LOXL1: variants seen among roughly 807,000 people sequenced by gnomAD.
LOXL1 encodes lysyl oxidase homolog 1.
Under a neutral mutation model 62.2 loss-of-function variants are expected in LOXL1, and 31 were observed. The observed-to-expected ratio is 0.50, with a 90% CI of 0.37 to 0.67. The LOEUF (loss-of-function observed/expected upper bound fraction) is 0.67. LOXL1 is among the 30% of genes least tolerant of loss of function. LOXL1 has a pLI of 0.00. For synonymous variants in LOXL1, 403 were observed against 384.4 expected (o/e 1.05, Z -0.56); for missense variants, 775 against 843.4 (o/e 0.92, Z 1.00).
In LOXL1 at chr15:73,926,702, C is replaced by T; in HGVS notation, c.-82C>T. 1 of 1,349,654 alleles carries T rather than the reference C, an allele frequency of 7.4e-7. No homozygotes were observed. Among genetic ancestry groups the T allele is most frequent in the Non-Finnish European group, 9.6e-7 (1 of 1,045,442 alleles). The allele number at this position is 1,349,654 out of a possible 1,614,324, so 83.6% of individuals were successfully genotyped here. ...GGCAAGCAAGGAGCCTTCCTGTCCTCGAGGCCGTGGGAAGAGAAGCACGCC... is the reference window on the plus strand; with the variant it reads ...GGCAAGCAAGGAGCCTTCCTGTCCTTGAGGCCGTGGGAAGAGAAGCACGCC... On this transcript the variant is annotated 5_prime_UTR_variant, in exon 1 of 7. It introduces an in-frame stop codon into an upstream open reading frame of the 5' UTR. Transcript: ENST00000261921.
intron 1 of LOXL1, among the ~76,000 whole-genome samples, chr15:73,936,176 A>C (rs1454006127): frequency 6.6e-6 from 1 of 151,922 alleles, no homozygotes; most frequent in East Asian, 1.9e-4. Context: ...GGCAATGGGG[A>C]GCCATTGAAG....
At chr15:73,935,943 G>GTGTGTGTGTA in intron 1 of LOXL1, among the ~76,000 whole-genome samples, 1 of 149,016 alleles carries the variant, frequency 6.7e-6, no homozygotes, top group Non-Finnish European at 1.5e-5. Flanking sequence ...TGGTGTGTGT[G>GTGTGTGTGTA]TGTGTGTGTG....
At chr15:73,938,277 A>ATCTATCTATCT (rs1555433297) in intron 1 of LOXL1, among the ~76,000 whole-genome samples, 2 of 148,012 alleles carry the variant, frequency 1.4e-5, no homozygotes, top group Non-Finnish European at 3.0e-5. Context: ...TAGACTCCGT[A>ATCTATCTATCT]TCTATCTATC....
intron 1 of LOXL1, among the ~76,000 whole-genome samples, chr15:73,928,971 G>T (rs1555432805): frequency 6.6e-6 from 1 of 152,082 alleles, no homozygotes; most frequent in Non-Finnish European, 1.5e-5. Context: ...GGCTTTTCAG[G>T]GGGTGAACAT....
At chr15:73,938,311 CTATCTAGG>C (rs1474454724) in intron 1 of LOXL1, among the ~76,000 whole-genome samples, 5 of 151,354 alleles carry the variant, frequency 3.3e-5, no homozygotes, top group African/African-American at 4.9e-5. Flanking sequence ...ATCTATCTAT[CTATCTAGG>C]TAGATAGATA....
At chr15:73,935,588 G>A (rs2068665107) in intron 1 of LOXL1, among the ~76,000 whole-genome samples, 1 of 152,208 alleles carries the variant, frequency 6.6e-6, no homozygotes, top group African/African-American at 2.4e-5. Context: ...CTGCAAGGGC[G>A]GGGAGGGCTC....
intron 1 of LOXL1, among the ~76,000 whole-genome samples, chr15:73,932,394 A>T (rs1005614458): frequency 1.3e-5 from 2 of 150,832 alleles, no homozygotes; most frequent in Non-Finnish European, 3.0e-5. Context: ...CCATGCATTT[A>T]AAAAAAAAAT....
At chr15:73,944,855 G>A (rs541784571) in intron 2 of LOXL1, among the ~76,000 whole-genome samples, 2 of 152,288 alleles carry the variant, frequency 1.3e-5, no homozygotes, top group East Asian at 3.9e-4. Flanking sequence ...CAAGGCTGAG[G>A]GCCTTTCATC....
chr15:73,937,262 T>C (rs893820), intron 1 of LOXL1, among the ~76,000 whole-genome samples: 60,069 of 152,096 alleles, frequency 0.39, 12,441 homozygotes, highest in East Asian at 0.79. Context: ...CCTACTGTGC[T>C]CCTGCACACT....
In LOXL1 at chr15:73,930,545, G is replaced by A. The variant is rs1236995597; in HGVS notation, c.1102+2660G>A. ...TCAGACCCCCAGGCCTGGTGTGGGAGCCCAAGGCGGATTCTCCGAGACTGA... is the reference window on the plus strand; with the variant it reads ...TCAGACCCCCAGGCCTGGTGTGGGAACCCAAGGCGGATTCTCCGAGACTGA... On this transcript the variant is annotated intron_variant, in intron 1 of 6. Coordinates refer to ENST00000261921, the MANE Select transcript of LOXL1 (RefSeq NM_005576.4). This position sits in a 1 kb window ranked among gnomAD's most constrained non-coding sequence, Gnocchi z 4.7. Among the ~76,000 whole-genome samples the A allele has an allele frequency of 1.3e-5, 2 of 152,200 alleles. No individual in the cohort carries two copies. Among genetic ancestry groups the A allele is most frequent in the Admixed American group, 6.5e-5 (1 of 15,288 alleles).
chr15:73,932,876 C>A (rs911270751), intron 1 of LOXL1, among the ~76,000 whole-genome samples: 2 of 152,160 alleles, frequency 1.3e-5, no homozygotes, highest in African/African-American at 4.8e-5. Context: ...AAAGCTGTGT[C>A]GGATCAGACA....
At chr15:73,950,213 G>A (rs1045257119) in intron 6 of LOXL1, among the ~76,000 whole-genome samples, 1 of 151,260 alleles carries the variant, frequency 6.6e-6, no homozygotes, top group Non-Finnish European at 1.5e-5. Flanking sequence ...CCCATGTGAA[G>A]TAGTTTGCAG....
chr15:73,949,573 C>T lies in LOXL1; in HGVS notation c.1717C>T (p.Gln573Ter). The T allele has an allele frequency of 1.9e-6, 3 of 1,608,798 alleles. No individual in the cohort carries two copies. The South Asian group carries it at 3.3e-5, about 18-fold the overall frequency. ...TTCTGCAACAAACTGCAAAATTGTC[C>T]AGTAAGAGTTTGCCCACCACCCTTC... ...YVSATNCKIV[Q>*]S The change falls in exon 6 of 7, where the codon CAA becomes TAA. Residue 573 changes from glutamine to a stop codon, truncating the protein, a stop_gained and splice_region_variant. Transcript: ENST00000261921. LOFTEE classifies it high-confidence loss of function.
At chr15:73,929,750 G>C (rs372741341) in intron 1 of LOXL1, among the ~76,000 whole-genome samples, 9 of 152,326 alleles carry the variant, frequency 5.9e-5, no homozygotes, top group African/African-American at 2.2e-4. Context: ...TACCTAGAGG[G>C]TGCTAAACTT....
In LOXL1 at chr15:73,930,670, T is replaced by C. The variant is rs61368909; in HGVS notation, c.1102+2785T>C. 7.6e-4 allele frequency among the ~76,000 whole-genome samples: 116 copies of C among 152,212 alleles called. 2 individuals carry two copies. The East Asian group carries it at 0.02, about 26-fold the overall frequency. Reference sequence around the variant, plus strand: ...ACGTGTCCTCACAACACCAAGCACATGTGAGCACCACCCACCTCCCTCCAT... The same window carrying C: ...ACGTGTCCTCACAACACCAAGCACACGTGAGCACCACCCACCTCCCTCCAT... On this transcript the variant is annotated intron_variant, in intron 1 of 6. Coordinates refer to ENST00000261921, the MANE Select transcript of LOXL1 (RefSeq NM_005576.4). The surrounding 1 kb of genome is among the most constrained non-coding windows in gnomAD (Gnocchi z 4.7).
At chr15:73,934,918 G>A (rs959368818) in intron 1 of LOXL1, among the ~76,000 whole-genome samples, 6 of 152,136 alleles carry the variant, frequency 3.9e-5, no homozygotes, top group Non-Finnish European at 7.3e-5. Flanking sequence ...GCTGTCTGCA[G>A]GAAGAGCATT....
intron 1 of LOXL1, 78 bp from the exon 2 acceptor site, chr15:73,942,776 C>A: frequency 1.2e-6 from 1 of 867,886 alleles, no homozygotes; most frequent in South Asian, 1.4e-5. Context: ...GGTCTCTGGG[C>A]ATTAGCAGTG....
chr15:73,941,680 C>G (rs1472820356), intron 1 of LOXL1, among the ~76,000 whole-genome samples: 1 of 152,110 alleles, frequency 6.6e-6, no homozygotes, highest in Admixed American at 6.5e-5. Context: ...AATTAGAGGC[C>G]CCAGAACCAC....
At chr15:73,947,581 C>T in intron 4 of LOXL1, 1 of 519,574 alleles carries the variant, frequency 1.9e-6, no homozygotes, top group South Asian at 3.0e-5. Context: ...TTTATCCATT[C>T]TGCCATCCAT....
Sources: gnomAD v4.1 joint callset for allele counts (sites outside exome capture counted in the v4.1 genomes callset) on GRCh38, gnomAD v4.1.1 for gene constraint, Gnocchi (gnomAD v3.1) non-coding constraint, MANE v1.5 for transcripts, NCBI Gene and HGNC (gene_info 2026-07-23, HGNC 2026-07-21) for gene names.